The following ABCC1 variants were observed in gnomAD, a reference collection of about 807,000 sequenced individuals.
ABCC1 encodes the protein ATP binding cassette subfamily C member 1 (ABCC1 blood group).
A neutral mutation model predicts 172.9 loss-of-function variants in ABCC1; 83 were observed. The ratio of observed to expected loss-of-function variants is 0.48; its 90% CI spans 0.40 to 0.58. ABCC1 has a LOEUF of 0.58. Among genes scored for constraint, ABCC1 ranks in the 20% least tolerant of loss-of-function variants. The probability of loss-of-function intolerance (pLI) is 0.00; values close to 1 mark genes in which losing one functional copy is unlikely to be tolerated. For missense variants in ABCC1, 1,817 were observed against 2,002.7 expected, an observed-to-expected ratio of 0.91 and a Z score of 1.77; for synonymous variants, 937 against 825.2, an observed-to-expected ratio of 1.14 and a Z score of -2.32.
chr16:16,072,399 G>A (rs966183050), intron 14 of ABCC1, among the ~76,000 whole-genome samples: 1 of 151,800 alleles, frequency 6.6e-6, no homozygotes, highest in African/African-American at 2.4e-5. Flanking sequence ...TGTCCAGGCC[G>A]GTCTCGAACT....
rs1224994573 is a variant in ABCC1, at chr16:16,004,860, A to AT, written c.49-2955dup. Among the ~76,000 whole-genome samples, 5 of 106,090 alleles carry AT rather than the reference A, an allele frequency of 4.7e-5. No individual in the cohort carries two copies. The Admixed American group carries it at 5.1e-4, about 11-fold the overall frequency. The allele number at this position is 106,090 out of a possible 152,430, so 69.6% of individuals were successfully genotyped here. A position where few individuals can be genotyped will look rare whatever the true frequency, so the allele number is the denominator to read the frequency against. On this transcript the variant is annotated intron_variant, in intron 1 of 30. Coordinates refer to ENST00000399410, the MANE Select transcript of ABCC1 (RefSeq NM_004996.4). Reference sequence around the variant, plus strand: ...AGTAAAATATAAAAATTATGTTTTTATGGGGGGTTCTTGCCATGTTGGCCG... The same window carrying AT: ...AGTAAAATATAAAAATTATGTTTTTATTGGGGGGTTCTTGCCATGTTGGCCG...
Position 16,114,890 on chromosome 16 carries a change from C to A in ABCC1, c.3204C>A (p.Pro1068=). Residue 1068 remains proline (P), a synonymous_variant, in exon 23 of 31, where the codon CCC becomes CCA. Transcript: ENST00000399410. ...CCATGAGCTTCTTTGAGCGGACCCCCAGTGGGAACCTGGTGAACCGCTTCT... is the reference window on the plus strand; with the variant it reads ...CCATGAGCTTCTTTGAGCGGACCCCAAGTGGGAACCTGGTGAACCGCTTCT... ...RSPMSFFERT[P]SGNLVNRFSK... 1 of 1,613,882 alleles carries A rather than the reference C, an allele frequency of 6.2e-7. No individual in the cohort carries two copies. Among genetic ancestry groups the A allele is most frequent in the East Asian group, 2.2e-5 (1 of 44,872 alleles).
intron 17 of ABCC1, 89 bp downstream of exon 17, chr16:16,083,631 C>T (rs1004424288): frequency 2.0e-5 from 30 of 1,504,210 alleles, no homozygotes; most frequent in Non-Finnish European, 2.6e-5. Context: ...TGTGAGTCTG[C>T]TGCTATCAGC....
chr16:15,971,002 AGTTT>A (rs889590343), intron 1 of ABCC1, among the ~76,000 whole-genome samples: 18 of 152,198 alleles, frequency 1.2e-4, no homozygotes, highest in African/African-American at 3.4e-4. Flanking sequence ...CTTTGGTAAG[AGTTT>A]GTTTGTTTAT....
chr16:16,026,269 C>G (rs892056195), intron 5 of ABCC1, among the ~76,000 whole-genome samples: 1 of 151,310 alleles, frequency 6.6e-6, no homozygotes, highest in African/African-American at 2.4e-5. Context: ...CCCGTCTGTA[C>G]TACAAATGCA....
chr16:16,099,839 T>A (rs956494142), intron 19 of ABCC1, among the ~76,000 whole-genome samples: 1 of 152,120 alleles, frequency 6.6e-6, no homozygotes, highest in Non-Finnish European at 1.5e-5. Flanking sequence ...ATCCCAGCAC[T>A]CTGGGAGGCC....
At chr16:15,985,962 C>G (rs532152713) in intron 1 of ABCC1, among the ~76,000 whole-genome samples, 1 of 151,452 alleles carries the variant, frequency 6.6e-6, no homozygotes, top group Non-Finnish European at 1.5e-5. Flanking sequence ...CTTGTGTTGT[C>G]AAATCTCCTT....
chr16:16,028,296 CT>C (rs1461785793), intron 5 of ABCC1, among the ~76,000 whole-genome samples: 1 of 152,170 alleles, frequency 6.6e-6, no homozygotes, highest in African/African-American at 2.4e-5. Context: ...GGTTTACTTA[CT>C]GTCCATCTTC....
In ABCC1 at chr16:16,079,413, A is replaced by C; in HGVS notation, c.2050A>C (p.Lys684Gln). The C allele has an allele frequency of 6.2e-7, 1 of 1,614,008 alleles. No individual in the cohort carries two copies. The change falls in exon 16 of 31, where the codon AAG (lysine) becomes CAG (glutamine). Residue 684 changes from lysine (K) to glutamine (Q), a missense_variant. This residue lies in a region of ABCC1 where 1,412 missense variants were observed against 1,600.3 expected (regional missense o/e 0.88). Transcript: ENST00000399410. ...VAVVGQVGCG[K>Q]SSLLSALLAE... ...CGTGGTGGGCCAGGTGGGCTGCGGA[A>C]AGTCGTCCCTGCTCTCAGCCCTCTT...
chr16:16,092,442 T>G (rs1301976532), intron 19 of ABCC1, among the ~76,000 whole-genome samples: 2 of 152,202 alleles, frequency 1.3e-5, no homozygotes, highest in Non-Finnish European at 2.9e-5. Context: ...TCTCTCTAGA[T>G]TTGCTTATTC....
intron 6 of ABCC1, among the ~76,000 whole-genome samples, chr16:16,035,336 G>T (rs956946722): frequency 3.3e-5 from 5 of 152,116 alleles, no homozygotes; most frequent in Non-Finnish European, 7.4e-5. Context: ...GGCAGAGGTT[G>T]CAGTGCACTG....
chr16:16,045,385 G>A (rs1196381171), intron 8 of ABCC1, among the ~76,000 whole-genome samples: 3 of 92,266 alleles, frequency 3.3e-5, no homozygotes, highest in African/African-American at 1.4e-4. Context: ...GACAGAGCAA[G>A]ACTTTGTCTC....
At chr16:15,972,722 A>G (rs916650186) in intron 1 of ABCC1, among the ~76,000 whole-genome samples, 5 of 152,010 alleles carry the variant, frequency 3.3e-5, no homozygotes, top group African/African-American at 4.8e-5. Context: ...CTCTAGGAGG[A>G]AACAGCAAGG....
intron 21 of ABCC1, among the ~76,000 whole-genome samples, chr16:16,108,820 G>A (rs1022013056): frequency 6.6e-6 from 1 of 151,720 alleles, no homozygotes; most frequent in Admixed American, 6.6e-5. Flanking sequence ...CTGGTCTTGA[G>A]CTCCTGGGCT....
intron 22 of ABCC1, among the ~76,000 whole-genome samples, chr16:16,113,058 C>T (rs1353364417): frequency 6.6e-6 from 1 of 152,174 alleles, no homozygotes; most frequent in Non-Finnish European, 1.5e-5. Context: ...CTGGAACACA[C>T]AGTGCGCTCC....
At chr16:16,137,183 G>C in intron 29 of ABCC1, among the ~76,000 whole-genome samples, 1 of 152,242 alleles carries the variant, frequency 6.6e-6, no homozygotes, top group Non-Finnish European at 1.5e-5. Flanking sequence ...ATAAAGCAAC[G>C]ATCATTGCTG....
intron 19 of ABCC1, chr16:16,098,404 A>C: frequency 4.7e-6 from 1 of 213,828 alleles, no homozygotes; most frequent in Admixed American, 5.0e-5. Context: ...GTATCAGCTG[A>C]GGTCAGGAGT....
intron 5 of ABCC1, among the ~76,000 whole-genome samples, chr16:16,023,584 G>A (rs1379085151): frequency 6.6e-6 from 1 of 152,158 alleles, no homozygotes; most frequent in Admixed American, 6.6e-5. Context: ...TTGTGCCAGG[G>A]GCTGAGCTAG....
At chr16:16,041,969 C>T (rs779520210) in intron 7 of ABCC1, among the ~76,000 whole-genome samples, 11 of 152,032 alleles carry the variant, frequency 7.2e-5, no homozygotes, top group Non-Finnish European at 1.5e-4. Context: ...TGGTGGCGCT[C>T]ACCTGTAATC....
Sources: allele counts gnomAD v4.1 joint callset (sites outside exome capture counted in the v4.1 genomes callset), GRCh38; gene constraint gnomAD v4.1.1; regional missense constraint gnomAD v4.1.1; transcripts MANE v1.5; gene names NCBI Gene and HGNC (gene_info 2026-07-23, HGNC 2026-07-21).